Variants in HNRNPL observed in about 807,000 individuals in gnomAD.
The protein encoded by HNRNPL is epididymis secretory sperm binding protein.
HNRNPL carries 12 observed loss-of-function variants against 64.0 expected under a neutral mutation model. The ratio of observed to expected loss-of-function variants is 0.19; its 90% CI spans 0.12 to 0.30. HNRNPL has a LOEUF of 0.30. Among genes scored for constraint, HNRNPL ranks in the 10% least tolerant of loss-of-function variants. HNRNPL has a pLI of 1.00. For missense variants in HNRNPL, 484 were observed against 797.4 expected, an observed-to-expected ratio of 0.61 and a Z score of 4.73; for synonymous variants, 385 against 313.0, an observed-to-expected ratio of 1.23 and a Z score of -2.43.
Position 38,837,639 on chromosome 19 carries a change from G to A in HNRNPL, c.1570C>T (p.Leu524=). 2 of 1,614,154 alleles carry A rather than the reference G, an allele frequency of 1.2e-6. No homozygotes were observed. The highest frequency in any genetic ancestry group is 1.7e-6 in the Non-Finnish European group (2 of 1,180,008). The change falls in exon 11 of 13, where the codon CTG becomes TTG. Residue 524 remains leucine, a synonymous_variant. Coordinates refer to ENST00000221419, the MANE Select transcript of HNRNPL (RefSeq NM_001533.3). Reference sequence around the variant, plus strand: ...ACAGAAGATGGCCGCTTCACTCCCAGCTCATCGCAGATCTGCAAAAGAAAA... The same window carrying A: ...ACAGAAGATGGCCGCTTCACTCCCAACTCATCGCAGATCTGCAAAAGAAAA... ...EENFFEICDE[L]GVKRPSSVKV...
chr19:38,841,763 G>A (rs1972124900), intron 6 of HNRNPL: 1 of 578,416 alleles, frequency 1.7e-6, no homozygotes. Context: ...TGTTTTAAAA[G>A]TCAATATTTT....
At position 38,844,105 on chromosome 19, in the gene HNRNPL, G is replaced by C. The variant is rs749309091; in HGVS notation, c.711-1C>G. On this transcript the variant is annotated splice_acceptor_variant, in intron 4 of 12. Transcript: ENST00000221419. LOFTEE classifies it high-confidence loss of function. ...CTGGGCACTTTGAACTGAGTCAAAT[G>C]TGAGTCAAGTTAAGGAAAGTCCCAT... 5 of 1,601,362 alleles carry C rather than the reference G, an allele frequency of 3.1e-6. No individual in the cohort carries two copies. The highest frequency in any genetic ancestry group is 4.3e-6 in the Non-Finnish European group (5 of 1,168,334).
At chr19:38,836,898 G>C (rs1455221800) in intron 12 of HNRNPL, 118 bp from the exon 13 acceptor site, 3 of 678,098 alleles carry the variant, frequency 4.4e-6, no homozygotes, top group Non-Finnish European at 5.2e-6. Context: ...GGTCTAAGGA[G>C]TGACTGCCCA....
At chr19:38,850,844 C>T (rs940989156), upstream of HNRNPL, among the ~76,000 whole-genome samples, 2 of 152,222 alleles carry the variant, frequency 1.3e-5, no homozygotes, top group Non-Finnish European at 2.9e-5. Context: ...CTGTCCAGTT[C>T]TAAATTCAGC....
upstream of HNRNPL, among the ~76,000 whole-genome samples, chr19:38,850,628 A>T (rs1972479120): frequency 6.6e-6 from 1 of 152,192 alleles, no homozygotes; most frequent in African/African-American, 2.4e-5. Context: ...GCTTTCAGGC[A>T]CCGCCCAGAG....
chr19:38,840,533 G>A lies in HNRNPL; in HGVS notation c.907C>T (p.Arg303Cys), dbSNP rs777899404. 5.0e-6 allele frequency: 8 copies of A among 1,590,826 alleles called. No homozygotes were observed. Among genetic ancestry groups the A allele is most frequent in the South Asian group, 1.1e-5 (1 of 87,664 alleles). ...QGDPGSNPNKRQRQPPLLGDH... is the reference protein window; with the variant it reads ...QGDPGSNPNKCQRQPPLLGDH... ...CCCAGGAGAGGGGGCTGCCTCTGGC[G>A]TTTGTTGGGGTTGCTGCCAGGGTCA... Residue 303 changes from arginine to cysteine, a missense_variant, in exon 7 of 13, where the codon CGC becomes TGC. Physicochemically the swap from Arg to Cys is radical, Grantham distance 180 (BLOSUM62 -3). Around this residue, in one of 9 missense-constraint regions of HNRNPL, gnomAD observed 60 missense variants for 192.2 expected, o/e 0.31. Transcript: ENST00000221419.
At chr19:38,850,002 G>T, upstream of HNRNPL, 1 of 1,316,226 alleles carries the variant, frequency 7.6e-7, no homozygotes, top group Non-Finnish European at 9.7e-7. Flanking sequence ...GCCTCTCATT[G>T]GGGGAGGGAC....
chr19:38,849,662 G>C (rs1428088858), intron 1 of HNRNPL, 38 bp downstream of exon 1: 14 of 1,307,878 alleles, frequency 1.1e-5, no homozygotes, highest in Non-Finnish European at 1.3e-5. Flanking sequence ...TTGTCCCCCA[G>C]TTCCCGGCCT....
chr19:38,849,333 G>A (rs949706375), intron 1 of HNRNPL: 22 of 206,242 alleles, frequency 1.1e-4, no homozygotes, highest in Non-Finnish European at 1.7e-4. Context: ...CCGCCCACGA[G>A]GCCGGGCGGG....
In HNRNPL at chr19:38,849,884, C is replaced by T. The variant is rs930491031; in HGVS notation, c.83G>A (p.Arg28Gln). 4 of 1,237,896 alleles carry T rather than the reference C, an allele frequency of 3.2e-6. No homozygotes were observed. Among genetic ancestry groups the T allele is most frequent in the African/African-American group, 1.5e-5 (1 of 64,622 alleles). The allele number at this position is 1,237,896 out of a possible 1,614,324, so 76.7% of individuals were successfully genotyped here. Residue 28 changes from arginine (R) to glutamine (Q), a missense_variant, in exon 1 of 13, where the codon CGG (arginine) becomes CAG (glutamine). This residue lies in a region of HNRNPL where 190 missense variants were observed against 160.1 expected (regional missense o/e 1.19). Coordinates refer to ENST00000221419, the MANE Select transcript of HNRNPL (RefSeq NM_001533.3). Reference sequence around the variant, plus strand: ...CGCCATCTTCACCATCGCTCCCGACCGCCTCCGCTGCTCGTCCGGCTGCTG... The same window carrying T: ...CGCCATCTTCACCATCGCTCCCGACTGCCTCCGCTGCTCGTCCGGCTGCTG... Reference protein sequence around the residue: ...QRQQPDEQRRRSGAMVKMAAA... With the variant: ...QRQQPDEQRRQSGAMVKMAAA...
intron 1 of HNRNPL, among the ~76,000 whole-genome samples, chr19:38,849,138 C>T (rs1013554004): frequency 1.3e-5 from 2 of 152,260 alleles, no homozygotes; most frequent in Non-Finnish European, 2.9e-5. Context: ...GCTAAAAGTG[C>T]ATTTCACAAG....
chr19:38,849,352 G>A (rs904886272), intron 1 of HNRNPL: 7 of 237,418 alleles, frequency 2.9e-5, no homozygotes, highest in Admixed American at 2.8e-4. Flanking sequence ...GGAACACTGC[G>A]CCTGCGCATG....
chr19:38,845,564 G>C (rs534499668), intron 4 of HNRNPL, 86 bp downstream of exon 4: 1 of 1,095,142 alleles, frequency 9.1e-7, no homozygotes, highest in South Asian at 1.3e-5. Flanking sequence ...GTGGTCAGCA[G>C]ACACATGCTG....
chr19:38,841,647 T>C (rs1011768238), intron 6 of HNRNPL: 1 of 1,286,346 alleles, frequency 7.8e-7, no homozygotes, highest in Non-Finnish European at 1.0e-6. Context: ...AGCACAGTTC[T>C]GAAAGATGGC....
At chr19:38,842,943 T>C (rs1240020587) in intron 6 of HNRNPL, among the ~76,000 whole-genome samples, 15 of 152,204 alleles carry the variant, frequency 9.9e-5, no homozygotes, top group Admixed American at 9.8e-4. Context: ...GTCACCAATT[T>C]GCCTCTGACC....
chr19:38,837,568 C>G (rs772106224), intron 11 of HNRNPL, 26 bp downstream of exon 11: 2 of 1,613,246 alleles, frequency 1.2e-6, no homozygotes, highest in Admixed American at 1.7e-5. Context: ...GCAATTAGGG[C>G]AAGGAGGTGG....
At chr19:38,849,483 G>A (rs1315598022) in intron 1 of HNRNPL, 3 of 558,950 alleles carry the variant, frequency 5.4e-6, no homozygotes, top group African/African-American at 3.9e-5. Context: ...CTTCCTCTGC[G>A]CTCCCCCACA....
rs1971936734 is a variant in HNRNPL at position 38,836,619 on chromosome 19, A to C, written c.*103T>G. On this transcript the variant is annotated 3_prime_UTR_variant, in exon 13 of 13. Transcript: ENST00000221419. ...CATTTAAAAAAAAAAAAAAAAAAAA[A>C]AAAAAGGAATACAAGATCTTTTGCA... is the stretch of plus-strand genomic sequence containing the variant. The C allele has an allele frequency of 1.9e-6, 1 of 534,570 alleles. No homozygotes were observed. The highest frequency in any genetic ancestry group is 3.2e-6 in the Non-Finnish European group (1 of 314,308). The allele number at this position is 534,570 out of a possible 1,614,324, so 33.1% of individuals were successfully genotyped here. A position where few individuals can be genotyped will look rare whatever the true frequency, so the allele number is the denominator to read the frequency against.
intron 4 of HNRNPL, among the ~76,000 whole-genome samples, chr19:38,844,363 C>T (rs1372364602): frequency 6.6e-6 from 1 of 152,184 alleles, no homozygotes; most frequent in African/African-American, 2.4e-5. Context: ...CCAGCAACCT[C>T]TTCTGCCACA....
Sources: allele counts gnomAD v4.1 joint callset (sites outside exome capture counted in the v4.1 genomes callset), GRCh38; gene constraint gnomAD v4.1.1; regional missense constraint gnomAD v4.1.1; transcripts MANE v1.5; gene names NCBI Gene and HGNC (gene_info 2026-07-23, HGNC 2026-07-21).